The following KCNC2 variants were observed in gnomAD, a reference collection of about 807,000 sequenced individuals.
KCNC2 encodes potassium voltage-gated channel subfamily C member 2, also known as voltage-gated potassium channel KCNC2.
KCNC2 carries 21 observed loss-of-function variants against 44.5 expected under a neutral mutation model. The observed-to-expected ratio is 0.47, with a 90% CI of 0.33 to 0.68. The LOEUF is 0.68. Ranked by LOEUF, KCNC2 falls within the 30% of genes least tolerant of loss-of-function variation. KCNC2 has a pLI of 0.01. For missense variants in KCNC2, 589 were observed against 826.2 expected, an observed-to-expected ratio of 0.71 and a Z score of 3.52; for synonymous variants, 391 against 339.1, an observed-to-expected ratio of 1.15 and a Z score of -1.68.
chr12:75,105,392 G>A (rs1886700933), intron 2 of KCNC2, among the ~76,000 whole-genome samples: 1 of 152,118 alleles, frequency 6.6e-6, no homozygotes. Context: ...ACAAACTTCA[G>A]TAGGTTGTGT....
intron 2 of KCNC2, among the ~76,000 whole-genome samples, chr12:75,156,800 A>C (rs1890790376): frequency 6.6e-6 from 1 of 151,888 alleles, no homozygotes; most frequent in South Asian, 2.1e-4. Flanking sequence ...TTGGGCTCCA[A>C]AAATTCATTT....
At chr12:75,119,448 G>A (rs1004605989) in intron 2 of KCNC2, among the ~76,000 whole-genome samples, 2 of 152,124 alleles carry the variant, frequency 1.3e-5, no homozygotes, top group East Asian at 1.9e-4. Context: ...AAATAACACT[G>A]TAATATAATA....
chr12:75,093,307 T>A (rs1473655537), intron 2 of KCNC2, among the ~76,000 whole-genome samples: 1 of 151,590 alleles, frequency 6.6e-6, no homozygotes, highest in African/African-American at 2.4e-5. Context: ...TTCGCATATG[T>A]TACAAGATCA....
At chr12:75,098,201 A>G (rs1014906761) in intron 2 of KCNC2, among the ~76,000 whole-genome samples, 3 of 152,212 alleles carry the variant, frequency 2.0e-5, no homozygotes, top group Non-Finnish European at 4.4e-5. Context: ...AAAACACATT[A>G]TCAACATTTA....
intron 2 of KCNC2, 39 bp from the exon 3 acceptor site, chr12:75,051,356 T>G (rs972333313): frequency 2.7e-6 from 3 of 1,118,004 alleles, no homozygotes; most frequent in Non-Finnish European, 3.8e-6. Context: ...CATAGTGATC[T>G]GAATCGTAAT....
At chr12:75,168,817 G>C (rs1408935925) in intron 2 of KCNC2, among the ~76,000 whole-genome samples, 1 of 151,446 alleles carries the variant, frequency 6.6e-6, no homozygotes, top group African/African-American at 2.4e-5. Context: ...TATTTAATTT[G>C]AACAAAATGA....
rs531741278 is a variant in KCNC2, at chr12:75,072,904, C to T, written c.688-21587G>A. ...CTTGCCAACTATTATGGGATTTAGGCTCTCTTGATAAGACAGTTTTCACTG... is the reference window on the plus strand; with the variant it reads ...CTTGCCAACTATTATGGGATTTAGGTTCTCTTGATAAGACAGTTTTCACTG... On this transcript the variant is annotated intron_variant, in intron 2 of 4. Coordinates refer to ENST00000549446, the MANE Select transcript of KCNC2 (RefSeq NM_139137.4). 2.4e-3 allele frequency among the ~76,000 whole-genome samples: 369 copies of T among 152,264 alleles called. 1 individual carries two copies. The highest frequency in any genetic ancestry group is 8.6e-3 in the African/African-American group (356 of 41,562).
At chr12:75,058,300 G>T (rs185668585) in intron 2 of KCNC2, among the ~76,000 whole-genome samples, 1 of 151,128 alleles carries the variant, frequency 6.6e-6, no homozygotes, top group Non-Finnish European at 1.5e-5. Context: ...TTTCAAAATT[G>T]CAATTATTTA....
At chr12:75,200,364 T>C (rs2031138587) in intron 2 of KCNC2, among the ~76,000 whole-genome samples, 1 of 151,868 alleles carries the variant, frequency 6.6e-6, no homozygotes, top group Non-Finnish European at 1.5e-5. Context: ...TTGCCAATTT[T>C]CTTCCAGTTC....
At position 75,041,246 on chromosome 12, in the gene KCNC2, C is replaced by A. The variant is rs200612323; in HGVS notation, c.*1859G>T. On this transcript the variant is annotated 3_prime_UTR_variant, in exon 5 of 5. Transcript: ENST00000549446. Reference sequence around the variant, plus strand: ...AGCAGCACCAGACAGCATATTAATTCTTTTACCATAAATTTGTGTGTAATT... The same window carrying A: ...AGCAGCACCAGACAGCATATTAATTATTTTACCATAAATTTGTGTGTAATT... The A allele has an allele frequency of 6.3e-7, 1 of 1,590,102 alleles. No individual in the cohort carries two copies.
At chr12:75,172,941 A>G (rs1469283237) in intron 2 of KCNC2, among the ~76,000 whole-genome samples, 4 of 151,922 alleles carry the variant, frequency 2.6e-5, no homozygotes. Context: ...AGAGCCAGAT[A>G]GAATTCTGAG....
In KCNC2 at chr12:75,041,834, G is replaced by C. The variant is rs140683642; in HGVS notation, c.*1271C>G. On this transcript the variant is annotated 3_prime_UTR_variant, in exon 5 of 5. Coordinates refer to ENST00000549446, the MANE Select transcript of KCNC2 (RefSeq NM_139137.4). ...ATTAATTTATACACAAAGCAGAGAG[G>C]CTGCTCCAAATAGCAAAAAATGGTA... is the stretch of plus-strand genomic sequence containing the variant. 1 of 988,074 alleles carries C rather than the reference G, an allele frequency of 1.0e-6. No individual in the cohort carries two copies. The highest frequency in any genetic ancestry group is 1.8e-5 in the African/African-American group (1 of 57,016). The allele number at this position is 988,074 out of a possible 1,614,324, so 61.2% of individuals were successfully genotyped here.
In KCNC2 at chr12:75,139,499, G is replaced by A. The variant is rs1013680615; in HGVS notation, c.687+67798C>T. On this transcript the variant is annotated intron_variant, in intron 2 of 4. Coordinates refer to ENST00000549446, the MANE Select transcript of KCNC2 (RefSeq NM_139137.4). ...TGAAATGGAGATCACGTTTGAGGAT[G>A]AAATTTTCTTATGTGAACAAGAATT... is the stretch of plus-strand genomic sequence containing the variant. Among the ~76,000 whole-genome samples the A allele has an allele frequency of 2.0e-5, 3 of 152,182 alleles. No individual in the cohort carries two copies. The South Asian group carries it at 6.2e-4, about 31-fold the overall frequency.
intron 2 of KCNC2, among the ~76,000 whole-genome samples, chr12:75,114,252 C>T (rs1202517160): frequency 1.3e-5 from 2 of 152,166 alleles, no homozygotes; most frequent in African/African-American, 2.4e-5. Flanking sequence ...TAAAAGCTAT[C>T]GCTAAACAAA....
intron 2 of KCNC2, among the ~76,000 whole-genome samples, chr12:75,196,464 G>T (rs114737371): frequency 6.6e-6 from 1 of 151,962 alleles, no homozygotes; most frequent in South Asian, 2.1e-4. Flanking sequence ...TTGCCTCAAG[G>T]AATAATAGCA....
At chr12:75,142,944 C>T (rs558991325) in intron 2 of KCNC2, among the ~76,000 whole-genome samples, 1 of 152,248 alleles carries the variant, frequency 6.6e-6, no homozygotes, top group South Asian at 2.1e-4. Flanking sequence ...TATTTATTCC[C>T]TCGCACTCCT....
At chr12:75,098,427 T>C (rs916061182) in intron 2 of KCNC2, among the ~76,000 whole-genome samples, 1 of 152,172 alleles carries the variant, frequency 6.6e-6, no homozygotes, top group Admixed American at 6.6e-5. Context: ...AAATCCCTTT[T>C]CTCCGTGGAA....
At chr12:75,151,762 A>T (rs926999506) in intron 2 of KCNC2, among the ~76,000 whole-genome samples, 1 of 151,492 alleles carries the variant, frequency 6.6e-6, no homozygotes, top group Non-Finnish European at 1.5e-5. Flanking sequence ...AGAACCAAAC[A>T]GAACTGATAG....
At chr12:75,196,888 G>A (rs544761239) in intron 2 of KCNC2, among the ~76,000 whole-genome samples, 4 of 152,024 alleles carry the variant, frequency 2.6e-5, no homozygotes, top group Non-Finnish European at 5.9e-5. Flanking sequence ...TTAACATCCT[G>A]CTGAACTACA....
Sources: allele counts gnomAD v4.1 joint callset (sites outside exome capture counted in the v4.1 genomes callset), GRCh38; gene constraint gnomAD v4.1.1; transcripts MANE v1.5; gene names NCBI Gene and HGNC (gene_info 2026-07-23, HGNC 2026-07-21).